The following MET variants were observed in gnomAD, a reference collection of about 807,000 sequenced individuals.
MET encodes the protein MET proto-oncogene, receptor tyrosine kinase.
A neutral mutation model predicts 133.1 loss-of-function variants in MET; 48 were observed. The ratio of observed to expected loss-of-function variants is 0.36; its 90% CI spans 0.29 to 0.46. The LOEUF is 0.46. MET is among the 20% of genes least tolerant of loss of function. The pLI is 1.00. For synonymous variants in MET, 628 were observed against 616.5 expected (o/e 1.02, Z -0.28); for missense variants, 1,442 against 1,695.9 (o/e 0.85, Z 2.63).
At chr7:116,783,953 G>A (rs1467257264) in intron 19 of MET, among the ~76,000 whole-genome samples, 1 of 152,220 alleles carries the variant, frequency 6.6e-6, no homozygotes, top group Non-Finnish European at 1.5e-5. Flanking sequence ...TTCTTGCGCA[G>A]AACAAGCTCT....
At chr7:116,775,351 C>T (rs898537401) in intron 15 of MET, among the ~76,000 whole-genome samples, 44 of 152,296 alleles carry the variant, frequency 2.9e-4, no homozygotes, top group African/African-American at 1.0e-3. Flanking sequence ...AATCACAATT[C>T]GTCCTCGTCC....
chr7:116,784,307 T>C (rs1795245072), intron 19 of MET, among the ~76,000 whole-genome samples: 1 of 152,220 alleles, frequency 6.6e-6, no homozygotes, highest in Non-Finnish European at 1.5e-5. Context: ...TATTCTCTGG[T>C]AATGTGGAAA....
intron 1 of MET, among the ~76,000 whole-genome samples, chr7:116,690,126 C>T (rs961659390): frequency 1.1e-4 from 17 of 152,164 alleles, no homozygotes; most frequent in Admixed American, 1.0e-3. Flanking sequence ...ACTGTGCCAA[C>T]TTCCTCATTT....
intron 9 of MET, 22 bp downstream of exon 9, chr7:116,758,642 G>A (rs1190746319): frequency 1.2e-6 from 2 of 1,607,606 alleles, no homozygotes; most frequent in Non-Finnish European, 1.7e-6. Context: ...CTTCTGATGG[G>A]TATAAGAAAA....
chr7:116,769,461 G>A (rs1449674619), intron 11 of MET, among the ~76,000 whole-genome samples, 184 bp from the exon 12 acceptor site: 1 of 152,078 alleles, frequency 6.6e-6, no homozygotes, highest in Non-Finnish European at 1.5e-5. Context: ...ACTAACACAT[G>A]CCCTGAAATG....
Position 116,698,670 on chromosome 7 carries a change from A to G in MET, c.-14-401A>G, listed in dbSNP as rs1362755614. 4.6e-5 allele frequency among the ~76,000 whole-genome samples: 7 copies of G among 152,336 alleles called. No individual in the cohort carries two copies. In the South Asian group the frequency reaches 6.2e-4, roughly 14 times the overall value. On this transcript the variant is annotated intron_variant, in intron 1 of 20. Coordinates refer to ENST00000397752, the MANE Select transcript of MET (RefSeq NM_000245.4). ...GAACCACAGTTCCTTTACTTGACTAACAGAGAAAGTTTAAATATCAACCTA... is the reference window on the plus strand; with the variant it reads ...GAACCACAGTTCCTTTACTTGACTAGCAGAGAAAGTTTAAATATCAACCTA...
chr7:116,778,635 A>G, intron 16 of MET, 141 bp from the exon 17 acceptor site: 1 of 914,132 alleles, frequency 1.1e-6, no homozygotes, highest in Non-Finnish European at 1.7e-6. Flanking sequence ...ATGTGATGTA[A>G]AAAGAACACT....
intron 1 of MET, among the ~76,000 whole-genome samples, chr7:116,673,372 G>A (rs1796041424): frequency 1.3e-5 from 2 of 152,280 alleles, no homozygotes; most frequent in South Asian, 2.1e-4. Context: ...ACAGTTTTAT[G>A]TTCAAAGGAG....
chr7:116,757,361 G>A, intron 6 of MET, 76 bp from the exon 7 acceptor site: 1 of 1,216,872 alleles, frequency 8.2e-7, no homozygotes, highest in Non-Finnish European at 1.2e-6. Flanking sequence ...TAGAGTTAAT[G>A]TCACTTCCTA....
At chr7:116,779,030 C>G (rs2117049432) in intron 17 of MET, 73 bp downstream of exon 17, 2 of 1,481,610 alleles carry the variant, frequency 1.3e-6, no homozygotes, top group Non-Finnish European at 9.4e-7. Context: ...TAGGCCTGCT[C>G]TGAGTCTTTA....
At chr7:116,678,288 A>G (rs929353907) in intron 1 of MET, among the ~76,000 whole-genome samples, 1 of 152,186 alleles carries the variant, frequency 6.6e-6, no homozygotes, top group Non-Finnish European at 1.5e-5. Context: ...AAATGCAAAT[A>G]TAATAATATA....
chr7:116,793,555 T>C (rs1193138320), intron 19 of MET, among the ~76,000 whole-genome samples: 1 of 152,090 alleles, frequency 6.6e-6, no homozygotes, highest in Non-Finnish European at 1.5e-5. Context: ...TCCCTTCCCC[T>C]ACTCCAACAT....
intron 11 of MET, among the ~76,000 whole-genome samples, chr7:116,764,204 T>C (rs1320468228): frequency 6.6e-6 from 1 of 152,190 alleles, no homozygotes; most frequent in Admixed American, 6.5e-5. Context: ...GCCCAACTTA[T>C]GCATATGTTC....
At chr7:116,785,267 G>A (rs1342535646) in intron 19 of MET, among the ~76,000 whole-genome samples, 1 of 152,160 alleles carries the variant, frequency 6.6e-6, no homozygotes, top group African/African-American at 2.4e-5. Flanking sequence ...TACCTTTCTG[G>A]GGTCTAGAGG....
intron 12 of MET, 165 bp downstream of exon 12, chr7:116,769,956 A>G (rs921454521): frequency 6.0e-6 from 6 of 999,090 alleles, no homozygotes; most frequent in Admixed American, 4.1e-5. Flanking sequence ...GCTTTTTGCC[A>G]CATTGTCTCC....
intron 5 of MET, among the ~76,000 whole-genome samples, chr7:116,751,623 A>G (rs1262626879): frequency 2.0e-5 from 3 of 152,162 alleles, no homozygotes; most frequent in East Asian, 3.8e-4. Context: ...GATATGAGAG[A>G]TTTCAGGACT....
intron 2 of MET, among the ~76,000 whole-genome samples, chr7:116,723,377 A>C (rs1364901697): frequency 6.7e-6 from 1 of 149,360 alleles, no homozygotes; most frequent in African/African-American, 2.5e-5. Flanking sequence ...CTAGTTATAC[A>C]TTCTTCTAAA....
chr7:116,783,236 T>A (rs1052775364), intron 18 of MET, 68 bp from the exon 19 acceptor site: 5 of 1,578,834 alleles, frequency 3.2e-6, no homozygotes, highest in Non-Finnish European at 4.3e-6. Context: ...GTTTAATCTG[T>A]AGATATTCAG....
chr7:116,716,284 GGAGAGA>G (rs564115135), intron 2 of MET, among the ~76,000 whole-genome samples: 4,038 of 37,998 alleles, frequency 0.11, 163 homozygotes, highest in Middle Eastern at 0.21. Context: ...AGGGAGAGAG[GGAGAGA>G]GAGAGAGAGA....
Sources: gnomAD v4.1 joint callset for allele counts (sites outside exome capture counted in the v4.1 genomes callset) on GRCh38, gnomAD v4.1.1 for gene constraint, MANE v1.5 for transcripts, NCBI Gene and HGNC (gene_info 2026-07-23, HGNC 2026-07-21) for gene names.